The following DLGAP2 variants were observed in gnomAD, a reference collection of about 807,000 sequenced individuals.
DLGAP2 encodes the protein DLG associated protein 2.
A neutral mutation model predicts 100.3 loss-of-function variants in DLGAP2; 26 were observed. The observed-to-expected ratio is 0.26, with a 90% confidence interval of 0.19 to 0.36. The LOEUF (loss-of-function observed/expected upper bound fraction) is 0.36. Ranked by LOEUF, DLGAP2 falls within the 10% of genes least tolerant of loss-of-function variation. The probability of loss-of-function intolerance (pLI) is 1.00; values close to 1 mark genes in which losing one functional copy is unlikely to be tolerated. For missense variants in DLGAP2, 1,858 were observed against 1,453.2 expected (o/e 1.28, Z -4.53); for synonymous variants, 886 against 630.1 (o/e 1.41, Z -6.08).
At chr8:1,479,971 C>G (rs17063942) in intron 3 of DLGAP2, among the ~76,000 whole-genome samples, 2,267 of 152,300 alleles carry the variant, frequency 0.015, 57 homozygotes, top group African/African-American at 0.05. Flanking sequence ...ATGAGAGCTC[C>G]AGTCCCTGTG....
At chr8:1,594,209 A>G (rs1796375559) in intron 6 of DLGAP2, among the ~76,000 whole-genome samples, 1 of 152,198 alleles carries the variant, frequency 6.6e-6, no homozygotes, top group Non-Finnish European at 1.5e-5. Flanking sequence ...AAGTCAAGGA[A>G]AATGAAAACT....
chr8:1,199,812 A>G (rs1797830897), intron 2 of DLGAP2, among the ~76,000 whole-genome samples: 1 of 150,528 alleles, frequency 6.6e-6, no homozygotes, highest in African/African-American at 2.5e-5. Flanking sequence ...TTATTTTCAG[A>G]TCAGTGAAGA....
chr8:1,098,659 C>G (rs1414731073), intron 2 of DLGAP2, among the ~76,000 whole-genome samples: 1 of 103,804 alleles, frequency 9.6e-6, no homozygotes, highest in Admixed American at 9.5e-5. Flanking sequence ...GACGCCGCCA[C>G]CCACGCCAGG....
chr8:1,287,131 CGTGTGTGT>C (rs33910191), intron 3 of DLGAP2, among the ~76,000 whole-genome samples: 12 of 136,908 alleles, frequency 8.8e-5, no homozygotes, highest in African/African-American at 1.5e-4. Flanking sequence ...TTCGGTTCAG[CGTGTGTGT>C]GTGTGTGTGT....
At chr8:868,654 C>G (rs1161125557) in intron 1 of DLGAP2, among the ~76,000 whole-genome samples, 1 of 152,212 alleles carries the variant, frequency 6.6e-6, no homozygotes, top group Non-Finnish European at 1.5e-5. Context: ...TGTGCTCTTC[C>G]AAGGGTGCGC....
At chr8:1,362,136 G>A (rs1292948924) in intron 3 of DLGAP2, among the ~76,000 whole-genome samples, 4 of 152,122 alleles carry the variant, frequency 2.6e-5, no homozygotes, top group African/African-American at 9.7e-5. Flanking sequence ...TCTGTGATCT[G>A]AGCCTTCTGA....
intron 6 of DLGAP2, among the ~76,000 whole-genome samples, chr8:1,606,303 A>G (rs550126113): frequency 2.0e-5 from 3 of 152,334 alleles, no homozygotes; most frequent in Non-Finnish European, 2.9e-5. Context: ...TTGAAGTACA[A>G]TTCAGTGGTT....
intron 2 of DLGAP2, among the ~76,000 whole-genome samples, chr8:1,230,045 C>T (rs527408942): frequency 3.7e-4 from 57 of 152,198 alleles, no homozygotes; most frequent in Non-Finnish European, 5.1e-4. Flanking sequence ...TAAAAGACAT[C>T]CAAATAATAA....
chr8:916,300 G>A (rs984011185), intron 2 of DLGAP2, among the ~76,000 whole-genome samples: 20 of 152,160 alleles, frequency 1.3e-4, no homozygotes, highest in African/African-American at 4.3e-4. Context: ...TGAAACCATC[G>A]GATTAAGAAA....
chr8:850,058 CT>C (rs1363686560), intron 1 of DLGAP2, among the ~76,000 whole-genome samples: 1 of 81,770 alleles, frequency 1.2e-5, no homozygotes, highest in Non-Finnish European at 2.4e-5. Context: ...AGGAGACTGT[CT>C]AAAAAAAAAA....
intron 1 of DLGAP2, among the ~76,000 whole-genome samples, chr8:793,267 T>C (rs1402996862): frequency 3.9e-5 from 6 of 152,358 alleles, no homozygotes; most frequent in Non-Finnish European, 5.9e-5. Flanking sequence ...TTACGGAGCA[T>C]TGGAATCTCA....
At chr8:1,348,569 G>A (rs79273085) in intron 3 of DLGAP2, among the ~76,000 whole-genome samples, 1 of 134,350 alleles carries the variant, frequency 7.4e-6, no homozygotes, top group Non-Finnish European at 1.6e-5. Context: ...TGGTAGCTAT[G>A]TGGAGGTTGA....
At chr8:1,572,197 G>A (rs1266083062) in intron 6 of DLGAP2, among the ~76,000 whole-genome samples, 2 of 122,914 alleles carry the variant, frequency 1.6e-5, no homozygotes, top group Admixed American at 8.1e-5. Context: ...GGAGAGGAGA[G>A]AGGGTGAACT....
intron 1 of DLGAP2, among the ~76,000 whole-genome samples, chr8:901,303 A>G (rs1416983051): frequency 6.6e-6 from 1 of 152,242 alleles, no homozygotes; most frequent in Non-Finnish European, 1.5e-5. Flanking sequence ...TACAAAAAGT[A>G]GGTCCAAAGG....
intron 2 of DLGAP2, among the ~76,000 whole-genome samples, chr8:999,748 G>C (rs1800889977): frequency 6.6e-6 from 1 of 152,126 alleles, no homozygotes; most frequent in African/African-American, 2.4e-5. Context: ...CGAAGTGCTG[G>C]GATTATAGGC....
chr8:1,269,108 G>A (rs1330783697), intron 3 of DLGAP2, among the ~76,000 whole-genome samples: 2 of 152,142 alleles, frequency 1.3e-5, no homozygotes, highest in Non-Finnish European at 2.9e-5. Context: ...CTAAGCAACT[G>A]TACATTGGCT....
At chr8:1,308,916 T>G (rs1800551691) in intron 3 of DLGAP2, among the ~76,000 whole-genome samples, 1 of 152,114 alleles carries the variant, frequency 6.6e-6, no homozygotes, top group African/African-American at 2.4e-5. Context: ...GAGATCCAAA[T>G]TATTTTTTTT....
At chr8:1,428,214 A>C (rs959354446) in intron 3 of DLGAP2, among the ~76,000 whole-genome samples, 2 of 152,032 alleles carry the variant, frequency 1.3e-5, no homozygotes, top group African/African-American at 2.4e-5. Context: ...CCAAATCAGA[A>C]AAAAAATTTA....
At chr8:1,155,703 C>T (rs1349814668) in intron 2 of DLGAP2, among the ~76,000 whole-genome samples, 1 of 151,334 alleles carries the variant, frequency 6.6e-6, no homozygotes, top group African/African-American at 2.5e-5. Flanking sequence ...CGAGGCTTCC[C>T]AGCGCTTCTC....
Sources: allele counts gnomAD v4.1 joint callset (sites outside exome capture counted in the v4.1 genomes callset), GRCh38; gene constraint gnomAD v4.1.1; transcripts MANE v1.5; gene names NCBI Gene and HGNC (gene_info 2026-07-23, HGNC 2026-07-21).